The following CYB5R3 variants were observed in gnomAD, a reference collection of about 807,000 sequenced individuals.
CYB5R3 encodes NADH-cytochrome b5 reductase 3.
A neutral mutation model predicts 36.5 loss-of-function variants in CYB5R3; 28 were observed. That is an observed-to-expected ratio of 0.77 (90% CI 0.57 to 1.05). The LOEUF is 1.05. CYB5R3 is among the 50% of genes least tolerant of loss of function. The pLI, the probability that CYB5R3 is intolerant of heterozygous loss-of-function variation, is 0.00. For synonymous variants in CYB5R3, 181 were observed against 159.8 expected (o/e 1.13, Z -1.00); for missense variants, 474 against 408.9 (o/e 1.16, Z -1.37).
intron 1 of CYB5R3, among the ~76,000 whole-genome samples, chr22:42,644,021 G>C (rs562464143): frequency 6.6e-6 from 1 of 152,048 alleles, no homozygotes; most frequent in Non-Finnish European, 1.5e-5. Context: ...TGACCTGCCC[G>C]GAGTACACCA....
chr22:42,645,147 T>C (rs1929479431), intron 1 of CYB5R3, among the ~76,000 whole-genome samples: 1 of 152,166 alleles, frequency 6.6e-6, no homozygotes, highest in Admixed American at 6.6e-5. Flanking sequence ...CCCCGAATGC[T>C]GGCCTCCAAC....
intron 4 of CYB5R3, among the ~76,000 whole-genome samples, chr22:42,630,342 A>C (rs2146882080): frequency 6.6e-6 from 1 of 152,274 alleles, no homozygotes; most frequent in South Asian, 2.1e-4. Flanking sequence ...TTTCTTAGGG[A>C]AACGGGTAAG....
At chr22:42,627,182 C>G (rs1928313817) in intron 7 of CYB5R3, 122 bp downstream of exon 7, 1 of 854,666 alleles carries the variant, frequency 1.2e-6, no homozygotes, top group South Asian at 1.4e-5. Context: ...TCAGGGCCCC[C>G]CATCCCGGTC....
At position 42,623,922 on chromosome 22, in the gene CYB5R3, T is replaced by C. The variant is rs748208959; in HGVS notation, c.634-34A>G. ...GACAGGGCCAGGCAGTCAGGAAGGA[T>C]GGGTGGCAGACTGCCCCTGGAGACA... On this transcript the variant is annotated intron_variant, in intron 7 of 8. Coordinates refer to ENST00000352397, the MANE Select transcript of CYB5R3 (RefSeq NM_000398.7). The C allele has an allele frequency of 7.0e-6, 11 of 1,581,886 alleles. No individual in the cohort carries two copies. The South Asian group carries it at 1.0e-4, about 14-fold the overall frequency.
intron 1 of CYB5R3, among the ~76,000 whole-genome samples, chr22:42,643,900 C>G (rs1412248401): frequency 2.6e-5 from 4 of 152,090 alleles, no homozygotes; most frequent in Non-Finnish European, 5.9e-5. Context: ...TGAGCTGGCA[C>G]TGTTCTGAGT....
intron 1 of CYB5R3, among the ~76,000 whole-genome samples, chr22:42,638,444 C>T (rs73423186): frequency 0.027 from 3,874 of 145,826 alleles, 203 homozygotes; most frequent in African/African-American, 0.092. Flanking sequence ...GTGTCACACG[C>T]CCGTGGTCCC....
intron 4 of CYB5R3, 55 bp from the exon 5 acceptor site, chr22:42,628,336 T>C: frequency 6.2e-7 from 1 of 1,607,834 alleles, no homozygotes; most frequent in Non-Finnish European, 8.5e-7. Flanking sequence ...AGGGGCGAGC[T>C]CTTGCCCACA....
chr22:42,644,051 C>G (rs889125499), intron 1 of CYB5R3, among the ~76,000 whole-genome samples: 2 of 152,062 alleles, frequency 1.3e-5, no homozygotes, highest in Admixed American at 6.6e-5. Flanking sequence ...CTCCAAGCAT[C>G]GCTCACCACA....
chr22:42,643,550 C>T (rs775360904), intron 1 of CYB5R3, among the ~76,000 whole-genome samples: 1 of 151,132 alleles, frequency 6.6e-6, no homozygotes, highest in Non-Finnish European at 1.5e-5. Flanking sequence ...CCAGGCAGGG[C>T]CTCCATGCTG....
Position 42,631,379 on chromosome 22 carries a change from G to A in CYB5R3, c.225C>T (p.Val75=), listed in dbSNP as rs1928608370. 6 of 1,551,384 alleles carry A rather than the reference G, an allele frequency of 3.9e-6. No homozygotes were observed. The highest frequency in any genetic ancestry group is 2.4e-5 in the South Asian group (2 of 84,060). ...PSPQHILGLP[V]GQHIYLSARI... is the part of the protein sequence containing the mutation. ...GGGCCCAGCAGGGGCGTGACTCACC[G>A]ACAGGGAGGCCCAGGATGTGCTGGG... The change falls in exon 3 of 9, where the codon GTC becomes GTT. Residue 75 remains valine (V), a splice_region_variant and synonymous_variant. Coordinates refer to ENST00000352397, the MANE Select transcript of CYB5R3 (RefSeq NM_000398.7).
chr22:42,639,946 G>A, intron 1 of CYB5R3: 1 of 1,599,210 alleles, frequency 6.3e-7, no homozygotes, highest in Non-Finnish European at 8.5e-7. Context: ...AATATAATCA[G>A]ATGTTAAGAC....
chr22:42,640,849 GATTTT>G (rs1929229894), intron 1 of CYB5R3, among the ~76,000 whole-genome samples: 1 of 151,874 alleles, frequency 6.6e-6, no homozygotes, highest in African/African-American at 2.4e-5. Flanking sequence ...TCTTCCTTAT[GATTTT>G]TTTTTCTCTT....
At chr22:42,636,254 T>A (rs1382366432) in intron 2 of CYB5R3, among the ~76,000 whole-genome samples, 1 of 150,498 alleles carries the variant, frequency 6.6e-6, no homozygotes, top group Non-Finnish European at 1.5e-5. Context: ...TGAAAGAAAG[T>A]AAGAATCAAA....
chr22:42,624,039 C>T, intron 7 of CYB5R3, 151 bp from the exon 8 acceptor site: 5 of 703,528 alleles, frequency 7.1e-6, no homozygotes, highest in Non-Finnish European at 1.3e-5. Flanking sequence ...ATCACCCTGG[C>T]ACCCCTCTCT....
At chr22:42,644,499 C>G (rs1323390109) in intron 1 of CYB5R3, 1 of 1,245,360 alleles carries the variant, frequency 8.0e-7, no homozygotes, top group Admixed American at 2.0e-5. Context: ...AACCAGCAAA[C>G]TCCTATTCAT....
chr22:42,627,898 C>T (rs1238956423), intron 5 of CYB5R3, among the ~76,000 whole-genome samples: 1 of 152,170 alleles, frequency 6.6e-6, no homozygotes, highest in Non-Finnish European at 1.5e-5. Context: ...TTGCTTGTTT[C>T]AGATGCTGAG....
Position 42,640,195 on chromosome 22 carries a change from A to G in CYB5R3, c.22-3349T>C, listed in dbSNP as rs779417584. 46 of 1,609,270 alleles carry G rather than the reference A, an allele frequency of 2.9e-5. No homozygotes were observed. The South Asian group carries it at 3.1e-4, about 11-fold the overall frequency. On this transcript the variant is annotated intron_variant, in intron 1 of 8. Transcript: ENST00000352397. ...CGTGGTGTAGTACCAAAATGCGGCC[A>G]ATCGAGGCTTCAAGTAAGTCACAGC... is the stretch of plus-strand genomic sequence containing the variant.
At chr22:42,638,212 A>T (rs544546153) in intron 1 of CYB5R3, among the ~76,000 whole-genome samples, 2 of 152,078 alleles carry the variant, frequency 1.3e-5, no homozygotes, top group Non-Finnish European at 2.9e-5. Context: ...CCTGGCCAAC[A>T]GGGTAAAACC....
chr22:42,645,875 G>A (rs1929512514), intron 1 of CYB5R3, among the ~76,000 whole-genome samples: 1 of 152,144 alleles, frequency 6.6e-6, no homozygotes, highest in African/African-American at 2.4e-5. Flanking sequence ...TGGGCACTGA[G>A]GTGGCAGGTC....
Sources: allele counts gnomAD v4.1 joint callset (sites outside exome capture counted in the v4.1 genomes callset), GRCh38; gene constraint gnomAD v4.1.1; transcripts MANE v1.5; gene names NCBI Gene and HGNC (gene_info 2026-07-23, HGNC 2026-07-21).